The following PGM5 variants were observed in gnomAD, a reference collection of about 807,000 sequenced individuals.
PGM5 encodes phosphoglucomutase-like protein 5.
Under a neutral mutation model 59.2 loss-of-function variants are expected in PGM5, and 23 were observed. That is an observed-to-expected ratio of 0.39 (90% CI 0.28 to 0.55). The LOEUF is 0.55. PGM5 is among the 20% of genes least tolerant of loss of function. PGM5 has a pLI of 0.66. For missense variants in PGM5, 574 were observed against 748.3 expected (o/e 0.77, Z 2.72); for synonymous variants, 214 against 286.0 (o/e 0.75, Z 2.54).
intron 6 of PGM5, among the ~76,000 whole-genome samples, chr9:68,441,879 G>A (rs954967851): frequency 2.0e-5 from 3 of 151,548 alleles, no homozygotes; most frequent in East Asian, 1.9e-4. Flanking sequence ...AAGGTCAGAG[G>A]ATACAAAATC....
At chr9:68,481,856 T>A (rs1374326683) in intron 8 of PGM5, among the ~76,000 whole-genome samples, 1 of 152,178 alleles carries the variant, frequency 6.6e-6, no homozygotes, top group Non-Finnish European at 1.5e-5. Flanking sequence ...AGGTAAACAT[T>A]TCCTTCAACC....
intron 7 of PGM5, among the ~76,000 whole-genome samples, chr9:68,467,854 T>C (rs1823958301): frequency 6.6e-6 from 1 of 152,198 alleles, no homozygotes; most frequent in South Asian, 2.1e-4. Context: ...GTTTGCAACT[T>C]CCTTAGTTGC....
At chr9:68,524,426 G>T (rs758678541) in intron 10 of PGM5, among the ~76,000 whole-genome samples, 2 of 152,092 alleles carry the variant, frequency 1.3e-5, no homozygotes, top group South Asian at 4.1e-4. Flanking sequence ...CAAGATAAGC[G>T]TTCACTGCTT....
chr9:68,500,905 A>C (rs1824562512), intron 10 of PGM5, among the ~76,000 whole-genome samples: 1 of 152,148 alleles, frequency 6.6e-6, no homozygotes, highest in Admixed American at 6.5e-5. Context: ...CAAGTGTCAC[A>C]ACAATCCTAT....
In PGM5 at chr9:68,387,539, G is replaced by C. The variant is rs782053879; in HGVS notation, c.648G>C (p.Leu216Phe). Residue 216 changes from leucine to phenylalanine, a missense_variant, in exon 4 of 11, where the codon TTG (leucine) becomes TTC (phenylalanine). Coordinates refer to ENST00000396396, the MANE Select transcript of PGM5 (RefSeq NM_021965.4). Reference protein sequence around the residue: ...TIFDFHAIKGLLTGPSQLKIR... With the variant: ...TIFDFHAIKGFLTGPSQLKIR... ...TTGACTTTCATGCCATCAAGGGTTT[G>C]CTGACTGGACCCAGCCAACTGAAGA... 1 of 1,612,162 alleles carries C rather than the reference G, an allele frequency of 6.2e-7. No individual in the cohort carries two copies.
chr9:68,421,029 G>T (rs1255601055), intron 6 of PGM5, among the ~76,000 whole-genome samples: 1 of 152,220 alleles, frequency 6.6e-6, no homozygotes, highest in Non-Finnish European at 1.5e-5. Context: ...AAAAGCTGAT[G>T]AAAGCTAGGT....
At chr9:68,506,557 A>G (rs1234776136) in intron 10 of PGM5, among the ~76,000 whole-genome samples, 2 of 152,214 alleles carry the variant, frequency 1.3e-5, no homozygotes, top group Non-Finnish European at 2.9e-5. Flanking sequence ...TTCTGTACTA[A>G]TTTTGAATTA....
chr9:68,400,853 C>T (rs1239125697), intron 6 of PGM5: 6 of 152,570 alleles, frequency 3.9e-5, no homozygotes, highest in African/African-American at 7.2e-5. Flanking sequence ...ATTTCCTAGT[C>T]GATAATGAAC....
chr9:68,364,521 A>G (rs1314415636), intron 1 of PGM5, among the ~76,000 whole-genome samples: 2 of 152,206 alleles, frequency 1.3e-5, no homozygotes, highest in African/African-American at 2.4e-5. Flanking sequence ...AGTTCACTAC[A>G]GAATAGGTGA....
At chr9:68,366,751 T>TA (rs1172236648) in intron 1 of PGM5, among the ~76,000 whole-genome samples, 1 of 152,022 alleles carries the variant, frequency 6.6e-6, no homozygotes, top group Non-Finnish European at 1.5e-5. Flanking sequence ...TCCTCATTTA[T>TA]AAAAATAGGG....
chr9:68,510,417 C>T (rs752947002), intron 10 of PGM5, among the ~76,000 whole-genome samples: 2 of 152,092 alleles, frequency 1.3e-5, no homozygotes, highest in African/African-American at 4.8e-5. Flanking sequence ...TCCCAAAGTG[C>T]TGGGATTACA....
chr9:68,376,835 C>CTTTCTTTCTCTTTCTTTCTTTCT (rs1821920348), intron 1 of PGM5, among the ~76,000 whole-genome samples: 29 of 58,590 alleles, frequency 4.9e-4, no homozygotes, highest in East Asian at 2.4e-3. Context: ...CTTTCTTTCT[C>CTTTCTTTCTCTTTCTTTCTTTCT]TTTCTTTCTT....
At chr9:68,433,627 T>C (rs1823392823) in intron 6 of PGM5, among the ~76,000 whole-genome samples, 1 of 152,236 alleles carries the variant, frequency 6.6e-6, no homozygotes, top group Non-Finnish European at 1.5e-5. Flanking sequence ...GCTGTGTGTT[T>C]ATGCATGATC....
chr9:68,424,785 A>G (rs974721188), intron 6 of PGM5, among the ~76,000 whole-genome samples: 1 of 152,226 alleles, frequency 6.6e-6, no homozygotes, highest in Non-Finnish European at 1.5e-5. Flanking sequence ...CCAATGAACT[A>G]CCATCCCAGG....
chr9:68,394,136 G>T (rs1226757235), intron 6 of PGM5: 1 of 152,048 alleles, frequency 6.6e-6, no homozygotes, highest in Non-Finnish European at 1.5e-5. Flanking sequence ...AACATTCTGA[G>T]GTGACGGGAA....
At position 68,499,376 on chromosome 9, in the gene PGM5, G is replaced by T; in HGVS notation, c.1614+15G>T. On this transcript the variant is annotated intron_variant, in intron 10 of 10. Coordinates refer to ENST00000396396, the MANE Select transcript of PGM5 (RefSeq NM_021965.4). ...AGGAGCCACAGGTACAGAAACAGCT[G>T]TGCTCCCAGCAGTGTGTCTCGCAGC... 6.2e-7 allele frequency: 1 copy of T among 1,613,406 alleles called. No homozygotes were observed. Among genetic ancestry groups the T allele is most frequent in the Non-Finnish European group, 8.5e-7 (1 of 1,179,680 alleles).
At chr9:68,510,244 T>C (rs1360195210) in intron 10 of PGM5, among the ~76,000 whole-genome samples, 1 of 147,536 alleles carries the variant, frequency 6.8e-6, no homozygotes, top group East Asian at 2.1e-4. Context: ...CTCCGCCTCC[T>C]GGGTTCACGC....
intron 6 of PGM5, among the ~76,000 whole-genome samples, chr9:68,419,806 G>C (rs1417012901): frequency 1.3e-5 from 2 of 152,094 alleles, no homozygotes; most frequent in Non-Finnish European, 2.9e-5. Context: ...GCAGTGGATG[G>C]CCTTTTCCCC....
intron 10 of PGM5, among the ~76,000 whole-genome samples, chr9:68,519,980 AT>A (rs1035230440): frequency 9.4e-4 from 142 of 150,888 alleles, no homozygotes; most frequent in African/African-American, 3.3e-3. Context: ...GTCCTAGCTA[AT>A]TGGGAGGCTG....
Sources: allele counts gnomAD v4.1 joint callset (sites outside exome capture counted in the v4.1 genomes callset), GRCh38; gene constraint gnomAD v4.1.1; transcripts MANE v1.5; gene names NCBI Gene and HGNC (gene_info 2026-07-23, HGNC 2026-07-21).